The following CRYBG1 variants were observed in gnomAD, a reference collection of about 807,000 sequenced individuals.
CRYBG1 encodes beta/gamma crystallin domain-containing protein 1.
Under a neutral mutation model 189.2 loss-of-function variants are expected in CRYBG1, and 139 were observed. The observed-to-expected ratio is 0.73, with a 90% CI of 0.64 to 0.85. The LOEUF is 0.85. CRYBG1 is among the 40% of genes least tolerant of loss of function. The pLI is 0.00. For missense variants in CRYBG1, 2,611 were observed against 2,675.8 expected (o/e 0.98, Z 0.53); for synonymous variants, 1,023 against 1,017.1 (o/e 1.01, Z -0.11).
chr6:106,424,352 C>CACAAGACCATTTTACTTACATG, intron 1 of CRYBG1, among the ~76,000 whole-genome samples: 1 of 152,248 alleles, frequency 6.6e-6, no homozygotes, highest in South Asian at 2.1e-4. Context: ...CTAATGATTA[C>CACAAGACCATTTTACTTACATG]ACAAGACCAT....
chr6:106,533,925 G>A (rs1239710023), intron 8 of CRYBG1, among the ~76,000 whole-genome samples: 1 of 152,336 alleles, frequency 6.6e-6, no homozygotes, highest in East Asian at 1.9e-4. Flanking sequence ...ACAGGACACA[G>A]TCCCAAAGGG....
Position 106,512,053 on chromosome 6 carries a change from C to A in CRYBG1, c.936C>A (p.Ala312=). The change falls in exon 3 of 22, where the codon GCC becomes GCA. Residue 312 remains alanine, a synonymous_variant. Coordinates refer to ENST00000633556, the MANE Select transcript of CRYBG1 (RefSeq NM_001371242.2). ...QERPAGGLGE[A]PNGAPSVCAE... ...GGCCCGCGGGAGGACTAGGCGAGGC[C>A]CCTAACGGAGCCCCCAGTGTGTGTG... is the stretch of plus-strand genomic sequence containing the variant. 6.5e-7 allele frequency: 1 copy of A among 1,533,104 alleles called. No individual in the cohort carries two copies. Among genetic ancestry groups the A allele is most frequent in the Non-Finnish European group, 8.7e-7 (1 of 1,145,566 alleles). 95.0% of individuals were successfully genotyped at this position (1,533,104 alleles called of 1,614,324 possible). A position where few individuals can be genotyped will look rare whatever the true frequency, so the allele number is the denominator to read the frequency against.
intron 8 of CRYBG1, among the ~76,000 whole-genome samples, chr6:106,539,099 CT>C (rs1774071110): frequency 6.6e-6 from 1 of 152,116 alleles, no homozygotes; most frequent in Admixed American, 6.6e-5. Context: ...GAGATGTTAG[CT>C]GTTACTAATG....
intron 1 of CRYBG1, among the ~76,000 whole-genome samples, chr6:106,449,214 C>A (rs529844468): frequency 6.6e-6 from 1 of 152,032 alleles, no homozygotes; most frequent in Non-Finnish European, 1.5e-5. Flanking sequence ...TTGGAGTGCC[C>A]GTCTCCGACA....
At chr6:106,491,771 ACTG>A (rs1772727726) in intron 2 of CRYBG1, among the ~76,000 whole-genome samples, 2 of 151,776 alleles carry the variant, frequency 1.3e-5, no homozygotes, top group South Asian at 4.2e-4. Context: ...TTTCTCCAAC[ACTG>A]CTGCAGATCA....
intron 4 of CRYBG1, among the ~76,000 whole-genome samples, chr6:106,521,734 T>C (rs1298410781): frequency 6.9e-6 from 1 of 145,946 alleles, no homozygotes; most frequent in Non-Finnish European, 1.5e-5. Context: ...TTTTTTTTTT[T>C]TTGAGACAGA....
chr6:106,507,089 T>C (rs1278782027), intron 2 of CRYBG1, among the ~76,000 whole-genome samples: 1 of 152,192 alleles, frequency 6.6e-6, no homozygotes, highest in East Asian at 1.9e-4. Context: ...ACCACGAAGG[T>C]TGAGAATCAC....
At chr6:106,361,695 T>A (rs986072784) in intron 1 of CRYBG1, among the ~76,000 whole-genome samples, 1 of 152,182 alleles carries the variant, frequency 6.6e-6, no homozygotes, top group Non-Finnish European at 1.5e-5. Context: ...CCATTGTGCT[T>A]TTTGATTTTT....
chr6:106,451,857 A>T (rs1267539559), intron 2 of CRYBG1, 25 bp downstream of exon 2: 1 of 1,528,820 alleles, frequency 6.5e-7, no homozygotes, highest in Non-Finnish European at 8.8e-7. Context: ...CTAATGTTTG[A>T]CTCCCAAGAA....
chr6:106,446,848 C>T (rs895008339), intron 1 of CRYBG1, among the ~76,000 whole-genome samples: 6 of 152,196 alleles, frequency 3.9e-5, no homozygotes, highest in African/African-American at 1.4e-4. Flanking sequence ...GCTCTTTTAA[C>T]TTGGGAAAGG....
In CRYBG1 at chr6:106,545,615, GTTAAC is replaced by G. The variant is rs1160786208; in HGVS notation, c.5312+685_5312+689del. ...GTGTCTTGACTGGGCTTTTTTCTGT[GTTAAC>G]TTGACTTTAGGTAGGCCTTTTGCAT... On this transcript the variant is annotated intron_variant, in intron 13 of 21. Transcript: ENST00000633556. Among the ~76,000 whole-genome samples the G allele has an allele frequency of 1.5e-3, 222 of 152,280 alleles. 2 individuals are homozygous for G. The highest frequency in any genetic ancestry group is 5.4e-4 in the Non-Finnish European group (37 of 68,008).
intron 1 of CRYBG1, among the ~76,000 whole-genome samples, chr6:106,439,135 G>A (rs991964014): frequency 2.0e-5 from 3 of 151,056 alleles, no homozygotes; most frequent in African/African-American, 4.9e-5. Flanking sequence ...AGAAAAAAAC[G>A]GATGACAGAT....
intron 13 of CRYBG1, among the ~76,000 whole-genome samples, chr6:106,547,212 A>ACC (rs371262840): frequency 0.26 from 15,557 of 60,204 alleles, 858 homozygotes; most frequent in South Asian, 0.49. Flanking sequence ...ACACACACAC[A>ACC]CCACTTCCTT....
intron 3 of CRYBG1, among the ~76,000 whole-genome samples, chr6:106,518,314 G>T (rs1464256646): frequency 6.6e-6 from 1 of 152,106 alleles, no homozygotes; most frequent in Non-Finnish European, 1.5e-5. Context: ...TATGGGGGAA[G>T]GATGAGATGA....
At chr6:106,486,496 G>A (rs1772594506) in intron 2 of CRYBG1, among the ~76,000 whole-genome samples, 1 of 152,060 alleles carries the variant, frequency 6.6e-6, no homozygotes, top group African/African-American at 2.4e-5. Flanking sequence ...TGATTTTTCT[G>A]TCTAGATGGT....
intron 2 of CRYBG1, among the ~76,000 whole-genome samples, chr6:106,458,387 G>A (rs1395566285): frequency 6.6e-6 from 1 of 152,126 alleles, no homozygotes; most frequent in East Asian, 1.9e-4. Flanking sequence ...TGCTCAAACA[G>A]CTCCTTTTTT....
intron 1 of CRYBG1, among the ~76,000 whole-genome samples, chr6:106,422,104 T>C (rs10872006): frequency 0.11 from 17,242 of 152,152 alleles, 1,029 homozygotes; most frequent in East Asian, 0.15. Context: ...TTTCTTTCAG[T>C]GTTCTGGGCC....
intron 2 of CRYBG1, among the ~76,000 whole-genome samples, chr6:106,482,423 TA>T (rs1163404096): frequency 7.7e-6 from 1 of 130,578 alleles, no homozygotes; most frequent in Non-Finnish European, 1.6e-5. Context: ...ACAGGTCCTG[TA>T]AAGGGATGGA....
intron 1 of CRYBG1, among the ~76,000 whole-genome samples, chr6:106,393,984 T>G (rs904517049): frequency 2.0e-5 from 3 of 152,200 alleles, no homozygotes; most frequent in African/African-American, 7.2e-5. Context: ...CCTCTTCCTT[T>G]TTTGTCTTGT....
Sources: allele counts gnomAD v4.1 joint callset (sites outside exome capture counted in the v4.1 genomes callset), GRCh38; gene constraint gnomAD v4.1.1; transcripts MANE v1.5; gene names NCBI Gene and HGNC (gene_info 2026-07-23, HGNC 2026-07-21).